GPR161: variants seen among roughly 807,000 people sequenced by gnomAD.
GPR161 encodes G-protein coupled receptor RE2.
In GPR161, 25 loss-of-function variants were observed where a neutral mutation model predicts 39.2. That is an observed-to-expected ratio of 0.64 (90% CI 0.47 to 0.89). The LOEUF (loss-of-function observed/expected upper bound fraction) is 0.89. Ranked by LOEUF, GPR161 falls within the 40% of genes least tolerant of loss-of-function variation. GPR161 has a pLI of 0.00. For missense variants in GPR161, 547 were observed against 677.8 expected (o/e 0.81, Z 2.14); for synonymous variants, 286 against 276.6 (o/e 1.03, Z -0.34).
At chr1:168,086,938 A>G (rs923315927) in intron 5 of GPR161, among the ~76,000 whole-genome samples, 1 of 152,160 alleles carries the variant, frequency 6.6e-6, no homozygotes, top group Non-Finnish European at 1.5e-5. Flanking sequence ...GAGCCTCCTT[A>G]CATCGGACAG....
chr1:168,137,332 C>T, upstream of GPR161: 1 of 1,535,650 alleles, frequency 6.5e-7, no homozygotes, highest in Non-Finnish European at 8.7e-7. Flanking sequence ...TCCGCACAGT[C>T]CCATTCTCCT....
intron 1 of GPR161, chr1:168,135,864 C>T (rs2102277931): frequency 4.5e-6 from 1 of 222,242 alleles, no homozygotes; most frequent in Non-Finnish European, 7.8e-6. Context: ...AAATGACCTG[C>T]TCTATGAAAG....
chr1:168,095,284 A>G (rs1216274864), intron 3 of GPR161, among the ~76,000 whole-genome samples: 1 of 152,216 alleles, frequency 6.6e-6, no homozygotes, highest in African/African-American at 2.4e-5. Flanking sequence ...GGATCTTTGG[A>G]CAAACAAAGG....
chr1:168,084,211 T>G lies in GPR161; in HGVS notation c.*1320A>C, dbSNP rs1694267702. 6.4e-6 allele frequency: 1 copy of G among 156,392 alleles called. No individual in the cohort carries two copies. Among genetic ancestry groups the G allele is most frequent in the South Asian group, 1.9e-4 (1 of 5,232 alleles). 9.7% of individuals were successfully genotyped at this position (156,392 alleles called of 1,614,324 possible). On this transcript the variant is annotated 3_prime_UTR_variant, in exon 6 of 6. Transcript: ENST00000682931. Reference sequence around the variant, plus strand: ...GGCTGGCATTCTATCCAGATTGTGCTCTAATGGACAGGGCAGACAAAGCCA... The same window carrying G: ...GGCTGGCATTCTATCCAGATTGTGCGCTAATGGACAGGGCAGACAAAGCCA...
intron 4 of GPR161, chr1:168,087,910 G>A (rs992739130): frequency 1.8e-5 from 9 of 493,614 alleles, no homozygotes; most frequent in African/African-American, 1.0e-4. Context: ...GTGGGGCTGC[G>A]TCAGCCACAC....
rs1421895477 is a variant in GPR161, at chr1:168,087,723, T to C, written c.1205-19A>G. On this transcript the variant is annotated intron_variant, in intron 4 of 5. Transcript: ENST00000682931. ...TCTGTCCCTAAAACAACGGGCAGAT[T>C]GTGCATATGTAACTACAATCTAAAG... 2 of 1,596,234 alleles carry C rather than the reference T, an allele frequency of 1.3e-6. No homozygotes were observed. Among genetic ancestry groups the C allele is most frequent in the Non-Finnish European group, 1.7e-6 (2 of 1,169,566 alleles).
chr1:168,100,210 CAAA>C lies in GPR161; in HGVS notation c.375-2981_375-2979del, dbSNP rs35900694. Among the ~76,000 whole-genome samples, 174 of 54,822 alleles carry C rather than the reference CAAA, an allele frequency of 3.2e-3. 1 individual carries two copies. The highest frequency in any genetic ancestry group is 9.5e-3 in the African/African-American group (150 of 15,708). The allele number at this position is 54,822 out of a possible 152,430, so 36.0% of individuals were successfully genotyped here. ...TGGGTGACAGAGCAAGACCCTGTCT[CAAA>C]AAAAAAAAAAAAAAAAAAAAGGATA... On this transcript the variant is annotated intron_variant, in intron 2 of 5. Transcript: ENST00000682931.
chr1:168,095,392 C>T (rs1695429878), intron 3 of GPR161, among the ~76,000 whole-genome samples: 1 of 152,188 alleles, frequency 6.6e-6, no homozygotes. Context: ...AGACAGTAAC[C>T]CTAGAGGAAG....
At position 168,085,413 on chromosome 1, in the gene GPR161, C is replaced by T; in HGVS notation, c.*118G>A. On this transcript the variant is annotated 3_prime_UTR_variant, in exon 6 of 6. Transcript: ENST00000682931. The stretch of plus-strand genomic sequence containing the variant: ...GGCTGCATACCAGATGCTGCTCCTT[C>T]CCTGTGTGTGGCCAGCTGTACACAG... 2.2e-6 allele frequency: 2 copies of T among 912,842 alleles called. No homozygotes were observed. Among genetic ancestry groups the T allele is most frequent in the Non-Finnish European group, 1.7e-6 (1 of 588,254 alleles). The allele number at this position is 912,842 out of a possible 1,614,324, so 56.5% of individuals were successfully genotyped here.
At position 168,079,919 on chromosome 1, in the gene GPR161, AAAAC is replaced by A; in HGVS notation, c.*5608_*5611del. On this transcript the variant is annotated 3_prime_UTR_variant, in exon 6 of 6. Transcript: ENST00000682931. Reference sequence around the variant, plus strand: ...GTATTTCAAACTAGTGAAAAAAGGAAAAACAAAAGTGGCATTTGATTCCTAAGCT... The same window carrying A: ...GTATTTCAAACTAGTGAAAAAAGGAAAAAAGTGGCATTTGATTCCTAAGCT... 1 of 152,224 alleles carries A rather than the reference AAAAC, an allele frequency of 6.6e-6. No homozygotes were observed. Among genetic ancestry groups the A allele is most frequent in the Non-Finnish European group, 1.5e-5 (1 of 68,046 alleles). 9.4% of individuals were successfully genotyped at this position (152,224 alleles called of 1,614,324 possible).
chr1:168,101,685 G>T (rs1163255342), intron 2 of GPR161, among the ~76,000 whole-genome samples: 1 of 152,222 alleles, frequency 6.6e-6, no homozygotes, highest in Non-Finnish European at 1.5e-5. Context: ...AGGGTTAGCT[G>T]AGCTAACTGT....
Position 168,118,041 on chromosome 1 carries a change from A to G in GPR161, c.-44-13147T>C, listed in dbSNP as rs566565820. On this transcript the variant is annotated intron_variant, in intron 1 of 5. Coordinates refer to ENST00000682931, the MANE Select transcript of GPR161 (RefSeq NM_001375883.1). ...AGATTGAGGCTCAGAAACCACACAG[A>G]CAATATATCAAGTCACAGATGACCC... Among the ~76,000 whole-genome samples the G allele has an allele frequency of 7.2e-5, 11 of 152,336 alleles. No individual in the cohort carries two copies. In the East Asian group the frequency reaches 1.9e-3, roughly 27 times the overall value.
intron 1 of GPR161, chr1:168,134,792 A>T (rs1338265235): frequency 1.2e-5 from 11 of 882,874 alleles, no homozygotes; most frequent in Non-Finnish European, 2.0e-5. Flanking sequence ...CCCTTACTGG[A>T]GACAGGCTTA....
chr1:168,090,782 C>A, intron 3 of GPR161, 114 bp from the exon 4 acceptor site: 1 of 558,984 alleles, frequency 1.8e-6, no homozygotes. Context: ...GCAAAACTCA[C>A]TCTCAACTCC....
chr1:168,136,744 A>G lies in GPR161; in HGVS notation c.-50T>C. On this transcript the variant is annotated 5_prime_UTR_variant, in exon 1 of 6. Coordinates refer to ENST00000682931, the MANE Select transcript of GPR161 (RefSeq NM_001375883.1). ...GCCCCACGCCGGGTGCTCACCGAGGAGCGGCCGCCGCGGCAGCTCAGGCCC... is the reference window on the plus strand; with the variant it reads ...GCCCCACGCCGGGTGCTCACCGAGGGGCGGCCGCCGCGGCAGCTCAGGCCC... 2 of 998,124 alleles carry G rather than the reference A, an allele frequency of 2.0e-6. No individual in the cohort carries two copies. Among genetic ancestry groups the G allele is most frequent in the Non-Finnish European group, 2.4e-6 (2 of 839,968 alleles). 61.8% of individuals were successfully genotyped at this position (998,124 alleles called of 1,614,324 possible). A position where few individuals can be genotyped will look rare whatever the true frequency, so the allele number is the denominator to read the frequency against.
chr1:168,110,263 G>C (rs551741715), intron 1 of GPR161, among the ~76,000 whole-genome samples: 39 of 152,180 alleles, frequency 2.6e-4, no homozygotes, highest in Admixed American at 2.0e-4. Flanking sequence ...CAACACTCTG[G>C]GAGGCCGAAG....
At chr1:168,089,734 G>GACAGAGGC (rs1558088743) in intron 4 of GPR161, among the ~76,000 whole-genome samples, 3 of 151,768 alleles carry the variant, frequency 2.0e-5, no homozygotes, top group African/African-American at 7.3e-5. Flanking sequence ...CCATGAGTGT[G>GACAGAGGC]ACTCCCTGCC....
intron 3 of GPR161, among the ~76,000 whole-genome samples, chr1:168,092,908 G>GGGC (rs2102123556): frequency 6.6e-6 from 1 of 152,278 alleles, no homozygotes; most frequent in Admixed American, 6.5e-5. Context: ...GGTCTCGTAA[G>GGGC]GGCGGCGTTT....
intron 1 of GPR161, among the ~76,000 whole-genome samples, chr1:168,123,535 CAT>C (rs1395270106): frequency 5.0e-4 from 53 of 106,612 alleles, no homozygotes; most frequent in African/African-American, 1.8e-3. Context: ...TATGCACATA[CAT>C]ACACACACAC....
Sources: gnomAD v4.1 joint callset for allele counts (sites outside exome capture counted in the v4.1 genomes callset) on GRCh38, gnomAD v4.1.1 for gene constraint, MANE v1.5 for transcripts, NCBI Gene and HGNC (gene_info 2026-07-23, HGNC 2026-07-21) for gene names.